CDK5RAP1: variants seen among roughly 807,000 people sequenced by gnomAD.
CDK5RAP1 encodes CDK5RAP1 mitochondrial tRNA methylthiotransferase.
Under a neutral mutation model 64.5 loss-of-function variants are expected in CDK5RAP1, and 62 were observed. The ratio of observed to expected loss-of-function variants is 0.96; its 90% CI spans 0.78 to 1.19. The LOEUF is 1.19. Among genes scored for constraint, CDK5RAP1 ranks in the 50% most tolerant of loss-of-function variants. CDK5RAP1 has a pLI of 0.00. For missense variants in CDK5RAP1, 657 were observed against 735.0 expected, an observed-to-expected ratio of 0.89 and a Z score of 1.23; for synonymous variants, 250 against 261.9, an observed-to-expected ratio of 0.95 and a Z score of 0.44.
At chr20:33,397,450 T>C (rs1296705024) in intron 1 of CDK5RAP1, among the ~76,000 whole-genome samples, 4 of 152,234 alleles carry the variant, frequency 2.6e-5, no homozygotes, top group Non-Finnish European at 4.4e-5. Context: ...GATACTATTA[T>C]TGTTCCTATT....
chr20:33,363,085 G>T (rs1983227612), intron 12 of CDK5RAP1, among the ~76,000 whole-genome samples: 1 of 152,134 alleles, frequency 6.6e-6, no homozygotes, highest in Non-Finnish European at 1.5e-5. Context: ...CACCTCACAG[G>T]ATATGATTAG....
chr20:33,366,165 A>T (rs928345109), intron 12 of CDK5RAP1, among the ~76,000 whole-genome samples: 1 of 151,874 alleles, frequency 6.6e-6, no homozygotes, highest in Non-Finnish European at 1.5e-5. Flanking sequence ...CTAAAAATAC[A>T]AAAATTAGCT....
At chr20:33,375,144 G>C (rs1383399877) in intron 8 of CDK5RAP1, among the ~76,000 whole-genome samples, 2 of 151,962 alleles carry the variant, frequency 1.3e-5, no homozygotes, top group East Asian at 3.9e-4. Context: ...GCTCATGCTT[G>C]TAATCCCAGC....
intron 10 of CDK5RAP1, among the ~76,000 whole-genome samples, chr20:33,372,204 AAAAG>A (rs1221726553): frequency 6.6e-6 from 1 of 152,146 alleles, no homozygotes; most frequent in Non-Finnish European, 1.5e-5. Context: ...ATCGGCCTCA[AAAAG>A]AAAGTCAAAT....
At chr20:33,370,419 C>A (rs1307764017) in intron 11 of CDK5RAP1, 80 bp downstream of exon 11, 3 of 1,487,466 alleles carry the variant, frequency 2.0e-6, no homozygotes, top group African/African-American at 1.4e-5. Flanking sequence ...CCGCCACTCT[C>A]TTTTCTGCCC....
chr20:33,371,452 A>G (rs143612080), intron 10 of CDK5RAP1, among the ~76,000 whole-genome samples: 2 of 152,292 alleles, frequency 1.3e-5, no homozygotes, highest in African/African-American at 2.4e-5. Context: ...TAGCCTCTGC[A>G]TTACCCTGCC....
chr20:33,392,462 A>ATTTTTTT (rs1202756640), intron 4 of CDK5RAP1, among the ~76,000 whole-genome samples: 2 of 119,008 alleles, frequency 1.7e-5, no homozygotes, highest in South Asian at 2.8e-4. Context: ...TTTGGGGGGG[A>ATTTTTTT]TTTTTTTTTT....
chr20:33,380,223 T>C (rs1245111926), intron 7 of CDK5RAP1, among the ~76,000 whole-genome samples: 1 of 152,220 alleles, frequency 6.6e-6, no homozygotes, highest in Non-Finnish European at 1.5e-5. Context: ...AGAGCTGTTT[T>C]AGATTTTTTT....
chr20:33,370,390 T>C, intron 11 of CDK5RAP1, 109 bp downstream of exon 11: 1 of 1,122,288 alleles, frequency 8.9e-7, no homozygotes, highest in Non-Finnish European at 1.3e-6. Context: ...GAGCCTGTGG[T>C]TTCTCAAGGA....
intron 7 of CDK5RAP1, 136 bp from the exon 8 acceptor site, chr20:33,379,827 A>G (rs980857893): frequency 1.7e-5 from 11 of 647,382 alleles, no homozygotes; most frequent in Admixed American, 5.7e-5. Context: ...AGAGTCACCT[A>G]TAAGTGTGTT....
chr20:33,388,994 C>A (rs1987885631), intron 5 of CDK5RAP1, among the ~76,000 whole-genome samples: 1 of 152,228 alleles, frequency 6.6e-6, no homozygotes, highest in Admixed American at 6.5e-5. Flanking sequence ...CTCCCAGCCG[C>A]CTGCCTTGGC....
chr20:33,378,005 T>C (rs1009343061), intron 8 of CDK5RAP1, among the ~76,000 whole-genome samples: 2 of 152,244 alleles, frequency 1.3e-5, no homozygotes, highest in Non-Finnish European at 2.9e-5. Context: ...ATCATTCATG[T>C]GTTCAGTGGA....
intron 5 of CDK5RAP1, among the ~76,000 whole-genome samples, chr20:33,390,231 G>A (rs967042568): frequency 3.3e-5 from 5 of 150,060 alleles, no homozygotes; most frequent in African/African-American, 4.9e-5. Context: ...CCATGATCAC[G>A]CCACTGCACT....
intron 8 of CDK5RAP1, among the ~76,000 whole-genome samples, chr20:33,374,989 A>G (rs185247512): frequency 6.6e-6 from 1 of 151,906 alleles, no homozygotes; most frequent in East Asian, 2.0e-4. Context: ...ACATAGTGAG[A>G]CCTTGGGTCT....
intron 7 of CDK5RAP1, among the ~76,000 whole-genome samples, chr20:33,383,109 A>AGGC (rs891483791): frequency 1.1e-4 from 16 of 151,770 alleles, no homozygotes; most frequent in African/African-American, 3.9e-4. Flanking sequence ...TGAACCTGGG[A>AGGC]GGCGGAGGTT....
At chr20:33,383,183 A>AAAAT (rs879531306) in intron 7 of CDK5RAP1, among the ~76,000 whole-genome samples, 1 of 152,100 alleles carries the variant, frequency 6.6e-6, no homozygotes, top group South Asian at 2.1e-4. Flanking sequence ...CTCCATCTCA[A>AAAAT]AAATAAATAA....
At position 33,359,061 on chromosome 20, in the gene CDK5RAP1, G is replaced by A. The variant is rs748172275; in HGVS notation, c.1746C>T (p.Asp582=). Residue 582 remains aspartate (D), a synonymous_variant, in exon 14 of 14, where the codon GAC becomes GAT. Transcript: ENST00000346416. Reference sequence around the variant, plus strand: ...TCTCAGGTCAGCAATATGCAGAAGAGTCCCTCAGAGTGGTCCTGCAGAGAA... The same window carrying A: ...TCTCAGGTCAGCAATATGCAGAAGAATCCCTCAGAGTGGTCCTGCAGAGAA... ...GHVLCRTTLR[D]SSAYC is the part of the protein sequence containing the mutation. 4 of 1,613,012 alleles carry A rather than the reference G, an allele frequency of 2.5e-6. No individual in the cohort carries two copies. The highest frequency in any genetic ancestry group is 2.7e-5 in the African/African-American group (2 of 74,880).
At chr20:33,374,010 A>C (rs1985544927) in intron 9 of CDK5RAP1, 105 bp downstream of exon 9, 1 of 774,728 alleles carries the variant, frequency 1.3e-6, no homozygotes, top group Admixed American at 2.0e-5. Flanking sequence ...CTGAGCAGCT[A>C]CTTTGTGCCA....
At chr20:33,361,120 A>G (rs2146571197) in intron 12 of CDK5RAP1, among the ~76,000 whole-genome samples, 1 of 152,350 alleles carries the variant, frequency 6.6e-6, no homozygotes, top group African/African-American at 2.4e-5. Flanking sequence ...ATACTGGACA[A>G]GAGATCATAC....
Sources: allele counts gnomAD v4.1 joint callset (sites outside exome capture counted in the v4.1 genomes callset), GRCh38; gene constraint gnomAD v4.1.1; transcripts MANE v1.5; gene names NCBI Gene and HGNC (gene_info 2026-07-23, HGNC 2026-07-21).